Variants in MAMDC2 observed in about 807,000 individuals in gnomAD.
MAMDC2 encodes MAM domain containing 2.
A neutral mutation model predicts 89.8 loss-of-function variants in MAMDC2; 57 were observed. The observed-to-expected ratio is 0.63, with a 90% CI of 0.51 to 0.79. The LOEUF (loss-of-function observed/expected upper bound fraction) is 0.79. Among genes scored for constraint, MAMDC2 ranks in the 30% least tolerant of loss-of-function variants. The pLI is 0.00. For synonymous variants in MAMDC2, 313 were observed against 293.4 expected, an observed-to-expected ratio of 1.07 and a Z score of -0.68; for missense variants, 800 against 820.6, an observed-to-expected ratio of 0.97 and a Z score of 0.31.
intron 11 of MAMDC2, among the ~76,000 whole-genome samples, chr9:70,203,251 A>G (rs1245977739): frequency 1.3e-5 from 2 of 152,096 alleles, no homozygotes; most frequent in Non-Finnish European, 1.5e-5. Flanking sequence ...GGCAGGCCTG[A>G]TGGTGACAAA....
intron 2 of MAMDC2, among the ~76,000 whole-genome samples, chr9:70,102,528 A>G (rs988115751): frequency 6.6e-6 from 1 of 152,194 alleles, no homozygotes; most frequent in Admixed American, 6.5e-5. Flanking sequence ...GCGATTGAAC[A>G]TGACTTCAAG....
intron 2 of MAMDC2, among the ~76,000 whole-genome samples, chr9:70,046,523 T>TG (rs1360293748): frequency 6.6e-6 from 1 of 152,204 alleles, no homozygotes; most frequent in Non-Finnish European, 1.5e-5. Flanking sequence ...TCTGTCAGGA[T>TG]GGGGGCCCCC....
intron 11 of MAMDC2, among the ~76,000 whole-genome samples, chr9:70,188,405 C>T (rs2032805866): frequency 6.6e-6 from 1 of 151,152 alleles, no homozygotes; most frequent in Non-Finnish European, 1.5e-5. Context: ...TATTCTATTA[C>T]TGTTTTTCAT....
At position 70,044,606 on chromosome 9, in the gene MAMDC2, C is replaced by G. The variant is rs1243738357; in HGVS notation, c.57C>G (p.Leu19=). The change falls in exon 2 of 14, where the codon CTC becomes CTG. Residue 19 remains leucine (L), a synonymous_variant. Coordinates refer to ENST00000377182, the MANE Select transcript of MAMDC2 (RefSeq NM_153267.5). The stretch of plus-strand genomic sequence containing the variant: ...CAGCCCTGCAGCTCGCCGGTGCCCT[C>G]GACCTGCCCGCTGGGTCCTGTGCCT... The part of the protein sequence containing the change: ...ALQALQLAGA[L]DLPAGSCAFE... The G allele has an allele frequency of 3.9e-6, 6 of 1,550,634 alleles. 1 individual carries two copies. The highest frequency in any genetic ancestry group is 3.6e-5 in the South Asian group (3 of 84,020).
At chr9:70,071,854 G>A (rs2118088429) in intron 2 of MAMDC2, 1 of 152,230 alleles carries the variant, frequency 6.6e-6, no homozygotes, top group Middle Eastern at 3.4e-3. Context: ...GCTGAAGGAA[G>A]GGACCAAAAA....
At chr9:70,174,422 G>A (rs1483220682) in intron 11 of MAMDC2, among the ~76,000 whole-genome samples, 1 of 152,190 alleles carries the variant, frequency 6.6e-6, no homozygotes, top group Non-Finnish European at 1.5e-5. Context: ...GAATCGAGAG[G>A]AGAATGTGGG....
At chr9:70,092,947 A>G (rs1466109958) in intron 2 of MAMDC2, among the ~76,000 whole-genome samples, 1 of 152,162 alleles carries the variant, frequency 6.6e-6, no homozygotes, top group Non-Finnish European at 1.5e-5. Flanking sequence ...TTCTTTTTCA[A>G]TGGAATATTC....
chr9:70,099,118 T>A (rs192074450), intron 2 of MAMDC2, among the ~76,000 whole-genome samples: 17 of 152,170 alleles, frequency 1.1e-4, no homozygotes, highest in Admixed American at 7.2e-4. Flanking sequence ...TATTTGTGAT[T>A]TTTTTCTTAC....
chr9:70,054,250 C>T (rs2117998240), intron 2 of MAMDC2, among the ~76,000 whole-genome samples: 1 of 152,076 alleles, frequency 6.6e-6, no homozygotes, highest in South Asian at 2.1e-4. Context: ...TGATATCACC[C>T]AAGGAGAATG....
At chr9:70,160,561 A>AG in intron 9 of MAMDC2, among the ~76,000 whole-genome samples, 1 of 152,286 alleles carries the variant, frequency 6.6e-6, no homozygotes, top group East Asian at 1.9e-4. Context: ...TCTCAAAACA[A>AG]GGGGGAAAAG....
intron 9 of MAMDC2, among the ~76,000 whole-genome samples, chr9:70,168,349 G>T (rs10868649): frequency 0.16 from 24,839 of 151,968 alleles, 2,635 homozygotes; most frequent in East Asian, 0.39. Context: ...AAAATTATCT[G>T]GGCATGGTGA....
intron 2 of MAMDC2, among the ~76,000 whole-genome samples, chr9:70,103,898 C>A (rs1828263918): frequency 1.3e-5 from 2 of 151,766 alleles, no homozygotes; most frequent in African/African-American, 4.8e-5. Context: ...AGGAGAATTG[C>A]TTGAGCCCAG....
intron 7 of MAMDC2, among the ~76,000 whole-genome samples, chr9:70,137,837 G>C (rs552362470): frequency 4.6e-5 from 7 of 152,252 alleles, no homozygotes; most frequent in Non-Finnish European, 1.0e-4. Flanking sequence ...TGTTCTAAGA[G>C]GGCAATCTGA....
chr9:70,143,021 C>T (rs941200193), intron 8 of MAMDC2, among the ~76,000 whole-genome samples: 4 of 152,084 alleles, frequency 2.6e-5, no homozygotes, highest in African/African-American at 9.7e-5. Context: ...TGATGAAAAA[C>T]CTGCTCTTCA....
At chr9:70,169,015 T>C (rs2032252225) in intron 10 of MAMDC2, among the ~76,000 whole-genome samples, 1 of 152,206 alleles carries the variant, frequency 6.6e-6, no homozygotes, top group South Asian at 2.1e-4. Flanking sequence ...TATCCTCATT[T>C]GGAAGGCAAC....
chr9:70,212,981 G>A (rs2033385693), intron 11 of MAMDC2, among the ~76,000 whole-genome samples: 1 of 152,154 alleles, frequency 6.6e-6, no homozygotes, highest in Non-Finnish European at 1.5e-5. Flanking sequence ...GGAAGAACTG[G>A]TCAACCAGAC....
rs533324149 is a variant in MAMDC2 at position 70,105,107 on chromosome 9, C to A, written c.149-3104C>A. Among the ~76,000 whole-genome samples the A allele has an allele frequency of 2.6e-5, 4 of 152,206 alleles. No individual in the cohort carries two copies. The South Asian group carries it at 6.3e-4, about 24-fold the overall frequency. ...TCTAGAATAGCAATTTTCTTAGTGA[C>A]AAGGCAGGGAAAGGCAACATCCTTG... On this transcript the variant is annotated intron_variant, in intron 2 of 13. Transcript: ENST00000377182.
At chr9:70,224,534 T>C (rs1271737991) in intron 12 of MAMDC2, among the ~76,000 whole-genome samples, 1 of 152,188 alleles carries the variant, frequency 6.6e-6, no homozygotes, top group East Asian at 1.9e-4. Context: ...AGAGTTCTGA[T>C]GTCCAAGGAC....
At chr9:70,064,038 AAAG>A (rs925941646) in intron 2 of MAMDC2, among the ~76,000 whole-genome samples, 1 of 152,136 alleles carries the variant, frequency 6.6e-6, no homozygotes, top group Non-Finnish European at 1.5e-5. Context: ...TTTTTTAAAA[AAAG>A]AAGTGTATGA....
Sources: gnomAD v4.1 joint callset for allele counts (sites outside exome capture counted in the v4.1 genomes callset) on GRCh38, gnomAD v4.1.1 for gene constraint, MANE v1.5 for transcripts, NCBI Gene and HGNC (gene_info 2026-07-23, HGNC 2026-07-21) for gene names.